ABCA1: variants seen among roughly 807,000 people sequenced by gnomAD.
The protein encoded by ABCA1 is phospholipid-transporting ATPase ABCA1.
A neutral mutation model predicts 262.5 loss-of-function variants in ABCA1; 133 were observed. The observed-to-expected ratio is 0.51, with a 90% CI of 0.44 to 0.59. The LOEUF is 0.59. Ranked by LOEUF, ABCA1 falls within the 20% of genes least tolerant of loss-of-function variation. The pLI is 0.00. For missense variants in ABCA1, 2,452 were observed against 2,777.5 expected, an observed-to-expected ratio of 0.88 and a Z score of 2.63; for synonymous variants, 1,022 against 1,043.5, an observed-to-expected ratio of 0.98 and a Z score of 0.40.
chr9:104,912,560 AT>A (rs747017656), intron 1 of ABCA1, among the ~76,000 whole-genome samples: 3 of 152,180 alleles, frequency 2.0e-5, no homozygotes, highest in Non-Finnish European at 4.4e-5. Context: ...AAGAGCCAGG[AT>A]TTCTGAAAGC....
intron 31 of ABCA1, among the ~76,000 whole-genome samples, chr9:104,805,714 T>C (rs557830058): frequency 1.6e-4 from 24 of 152,346 alleles, no homozygotes; most frequent in Admixed American, 9.1e-4. Flanking sequence ...GTCTGTCCTG[T>C]GACTTTACTG....
In ABCA1 at chr9:104,817,488, G is replaced by A; in HGVS notation, c.3463-84C>T. On this transcript the variant is annotated intron_variant, in intron 23 of 49. Transcript: ENST00000374736. The surrounding 1 kb of genome is among the most constrained non-coding windows in gnomAD (Gnocchi z 4.7). ...CACCTTCGCCGGGGAGGGCTTCCAA[G>A]AAGCTCTGTTGTGTGAGAACTAAAG... The A allele has an allele frequency of 1.4e-6, 2 of 1,441,590 alleles. No individual in the cohort carries two copies. The highest frequency in any genetic ancestry group is 1.9e-6 in the Non-Finnish European group (2 of 1,029,152). The allele number at this position is 1,441,590 out of a possible 1,614,324, so 89.3% of individuals were successfully genotyped here.
Position 104,861,729 on chromosome 9 carries a change from GGAGA to G in ABCA1, c.489_492del (p.Leu164GlnfsTer9), listed in dbSNP as rs759227430. The G allele has an allele frequency of 6.2e-7, 1 of 1,613,802 alleles. No individual in the cohort carries two copies. Among genetic ancestry groups the G allele is most frequent in the Non-Finnish European group, 8.5e-7 (1 of 1,179,934 alleles). On this transcript the variant is annotated frameshift_variant, in exon 6 of 50. Coordinates refer to ENST00000374736, the MANE Select transcript of ABCA1 (RefSeq NM_005502.4). LOFTEE classifies it high-confidence loss of function. The stretch of plus-strand genomic sequence containing the variant: ...AGCATCTTGTCCACAGTAGACTTTG[GGAGA>G]GAGAGGTTGTGATACAGGAACCCAG...
At chr9:104,890,646 G>A (rs558854308) in intron 2 of ABCA1, among the ~76,000 whole-genome samples, 1 of 151,444 alleles carries the variant, frequency 6.6e-6, no homozygotes, top group East Asian at 1.9e-4. Flanking sequence ...CCATCGTCCA[G>A]GCGGTACGAT....
At chr9:104,787,836 C>T (rs1829057937) in intron 46 of ABCA1, 84 bp downstream of exon 46, 2 of 1,613,294 alleles carry the variant, frequency 1.2e-6, no homozygotes, top group Admixed American at 3.3e-5. Flanking sequence ...AATCATACAA[C>T]AGCCCTGGAC....
intron 4 of ABCA1, among the ~76,000 whole-genome samples, chr9:104,883,943 C>A (rs7041412): frequency 0.02 from 3,013 of 152,314 alleles, 82 homozygotes; most frequent in Middle Eastern, 0.054. Flanking sequence ...GGAGCTCACA[C>A]TCAGGGGAGA....
intron 4 of ABCA1, 22 bp from the exon 5 acceptor site, chr9:104,883,179 G>A: frequency 1.3e-6 from 2 of 1,598,740 alleles, no homozygotes; most frequent in South Asian, 2.2e-5. Flanking sequence ...GCAAGAAAAG[G>A]CGAAAGGCTT....
intron 2 of ABCA1, among the ~76,000 whole-genome samples, chr9:104,898,416 T>C (rs1405773509): frequency 2.0e-5 from 3 of 151,856 alleles, no homozygotes; most frequent in Non-Finnish European, 4.4e-5. Context: ...GGCATGGTGG[T>C]GGGCGTCTGT....
chr9:104,904,579 A>G (rs978946369), intron 1 of ABCA1, among the ~76,000 whole-genome samples: 1 of 151,946 alleles, frequency 6.6e-6, no homozygotes, highest in Non-Finnish European at 1.5e-5. Context: ...AAAAAAAAAA[A>G]AAGCACCATC....
At chr9:104,790,157 A>G (rs1829303250) in intron 44 of ABCA1, among the ~76,000 whole-genome samples, 1 of 151,942 alleles carries the variant, frequency 6.6e-6, no homozygotes, top group South Asian at 2.1e-4. Flanking sequence ...ACATTATCTA[A>G]GAAGCCTATA....
At chr9:104,893,561 T>G (rs1231025335) in intron 2 of ABCA1, among the ~76,000 whole-genome samples, 1 of 151,926 alleles carries the variant, frequency 6.6e-6, no homozygotes, top group Admixed American at 6.6e-5. Context: ...ATTTGTACTT[T>G]AAGGATAAAT....
At chr9:104,794,774 T>C (rs1014565249) in intron 39 of ABCA1, among the ~76,000 whole-genome samples, 1 of 152,208 alleles carries the variant, frequency 6.6e-6, no homozygotes, top group Admixed American at 6.5e-5. Flanking sequence ...GAATAAAGCT[T>C]AGAAACAGGC....
At position 104,835,018 on chromosome 9, in the gene ABCA1, G is replaced by A. The variant is rs561661179; in HGVS notation, c.1311+1962C>T. Among the ~76,000 whole-genome samples, 59 of 152,230 alleles carry A rather than the reference G, an allele frequency of 3.9e-4. 1 individual carries two copies. In the South Asian group the frequency reaches 0.012, roughly 30 times the overall value. On this transcript the variant is annotated intron_variant, in intron 11 of 49. Transcript: ENST00000374736. ...AATCCCAACACTTTGGGAGGCTGAGGCAGGTGGATCACTTGAGGTCAGGAG... is the reference window on the plus strand; with the variant it reads ...AATCCCAACACTTTGGGAGGCTGAGACAGGTGGATCACTTGAGGTCAGGAG...
intron 28 of ABCA1, 146 bp downstream of exon 28, chr9:104,812,428 G>T: frequency 9.5e-7 from 1 of 1,055,346 alleles, no homozygotes; most frequent in Non-Finnish European, 1.4e-6. Context: ...TACACAACTG[G>T]CAAGGAATAG....
At chr9:104,841,260 AC>A (rs1194930275) in intron 8 of ABCA1, among the ~76,000 whole-genome samples, 2 of 151,954 alleles carry the variant, frequency 1.3e-5, no homozygotes, top group African/African-American at 4.8e-5. Flanking sequence ...ACATGGTGAA[AC>A]CCCATCTCTA....
Position 104,785,427 on chromosome 9 carries a change from T to C in ABCA1, c.6614A>G (p.Asp2205Gly). ...AAGTGTTGTCTGAGAAACAGAGTAGTCTTCTATGTGGAGTCGCTTTTTGCT... is the reference window on the plus strand; with the variant it reads ...AAGTGTTGTCTGAGAAACAGAGTAGCCTTCTATGTGGAGTCGCTTTTTGCT... Reference protein sequence around the residue: ...SQSKKRLHIEDYSVSQTTLDQ... With the variant: ...SQSKKRLHIEGYSVSQTTLDQ... The change falls in exon 49 of 50, where the codon GAC becomes GGC. Residue 2205 changes from aspartate to glycine, a missense_variant. Physicochemically the swap from Asp to Gly is moderately conservative, Grantham distance 94. This residue lies in a region of ABCA1 where 752 missense variants were observed against 944.5 expected (regional missense o/e 0.80). Transcript: ENST00000374736. 3 of 1,614,072 alleles carry C rather than the reference T, an allele frequency of 1.9e-6. No homozygotes were observed. Among genetic ancestry groups the C allele is most frequent in the Non-Finnish European group, 2.5e-6 (3 of 1,179,958 alleles).
At chr9:104,798,955 G>C (rs149172095) in intron 36 of ABCA1, among the ~76,000 whole-genome samples, 7 of 152,278 alleles carry the variant, frequency 4.6e-5, no homozygotes, top group Non-Finnish European at 8.8e-5. Flanking sequence ...CAAAGGACTA[G>C]TGGGGCTTGA....
chr9:104,868,790 C>T (rs57989482), intron 5 of ABCA1, among the ~76,000 whole-genome samples: 35,182 of 152,096 alleles, frequency 0.23, 4,200 homozygotes, highest in South Asian at 0.39. Flanking sequence ...GCCACACATC[C>T]AGGCCTCTGG....
intron 22 of ABCA1, among the ~76,000 whole-genome samples, chr9:104,819,163 C>A (rs545066465): frequency 1.4e-4 from 22 of 152,146 alleles, no homozygotes; most frequent in South Asian, 6.2e-4. Flanking sequence ...TAATTTAATC[C>A]TCTATGAGGT....
Sources: allele counts gnomAD v4.1 joint callset (sites outside exome capture counted in the v4.1 genomes callset), GRCh38; gene constraint gnomAD v4.1.1; regional missense constraint gnomAD v4.1.1; non-coding constraint Gnocchi (gnomAD v3.1); transcripts MANE v1.5; gene names NCBI Gene and HGNC (gene_info 2026-07-23, HGNC 2026-07-21).